Variants in GRIA1 observed in about 807,000 individuals in gnomAD.
GRIA1 encodes the protein glutamate receptor 1.
Under a neutral mutation model 99.2 loss-of-function variants are expected in GRIA1, and 31 were observed. That is an observed-to-expected ratio of 0.31 (90% CI 0.23 to 0.42). The LOEUF (loss-of-function observed/expected upper bound fraction) is 0.42, where lower values mean the gene tolerates loss of function less well. Ranked by LOEUF, GRIA1 falls within the 10% of genes least tolerant of loss-of-function variation. GRIA1 has a pLI of 1.00. For missense variants in GRIA1, 782 were observed against 1,157.5 expected (o/e 0.68, Z 4.71); for synonymous variants, 438 against 432.4 (o/e 1.01, Z -0.16).
intron 2 of GRIA1, among the ~76,000 whole-genome samples, chr5:153,587,321 A>G (rs1763579213): frequency 6.6e-6 from 1 of 152,158 alleles, no homozygotes; most frequent in Non-Finnish European, 1.5e-5. Flanking sequence ...ACTACCCACC[A>G]TGATTATAAG....
chr5:153,785,337 G>GTGC, intron 13 of GRIA1, among the ~76,000 whole-genome samples: 1 of 152,154 alleles, frequency 6.6e-6, no homozygotes, highest in Non-Finnish European at 1.5e-5. Flanking sequence ...CCTCTTAAGG[G>GTGC]TAGATGGAGA....
intron 2 of GRIA1, among the ~76,000 whole-genome samples, chr5:153,646,351 C>T (rs549010868): frequency 7.4e-4 from 112 of 152,178 alleles, no homozygotes; most frequent in Non-Finnish European, 1.4e-3. Flanking sequence ...GCAGCAATAG[C>T]TGGATTCTTC....
intron 11 of GRIA1, among the ~76,000 whole-genome samples, chr5:153,729,143 C>A (rs1760814048): frequency 6.7e-6 from 1 of 149,474 alleles, no homozygotes; most frequent in Admixed American, 6.7e-5. Flanking sequence ...AACAAAAAAC[C>A]AAACACCGCA....
At chr5:153,571,593 G>T (rs1409672777) in intron 2 of GRIA1, among the ~76,000 whole-genome samples, 1 of 152,036 alleles carries the variant, frequency 6.6e-6, no homozygotes, top group African/African-American at 2.4e-5. Context: ...CAGGTGGTGG[G>T]CTAGACTTGG....
At chr5:153,720,194 G>A (rs1300339097) in intron 11 of GRIA1, among the ~76,000 whole-genome samples, 4 of 152,108 alleles carry the variant, frequency 2.6e-5, no homozygotes, top group Admixed American at 1.3e-4. Flanking sequence ...AGTTAGCATC[G>A]AGCATTTTAT....
intron 2 of GRIA1, among the ~76,000 whole-genome samples, chr5:153,563,900 G>A (rs1581236243): frequency 6.6e-6 from 1 of 152,324 alleles, no homozygotes; most frequent in Non-Finnish European, 1.5e-5. Flanking sequence ...TTGAGGACAT[G>A]AAATGTTAAA....
At chr5:153,619,217 C>T (rs1766797493) in intron 2 of GRIA1, among the ~76,000 whole-genome samples, 1 of 152,080 alleles carries the variant, frequency 6.6e-6, no homozygotes, top group South Asian at 2.1e-4. Flanking sequence ...TTCAAAGATT[C>T]CACAATGATG....
chr5:153,600,219 G>C (rs374662913), intron 2 of GRIA1, among the ~76,000 whole-genome samples: 101 of 151,840 alleles, frequency 6.7e-4, no homozygotes, highest in African/African-American at 2.4e-3. Flanking sequence ...GTGAAACACT[G>C]TCTCTACTAA....
intron 2 of GRIA1, among the ~76,000 whole-genome samples, chr5:153,605,429 G>A (rs55803712): frequency 1.8e-3 from 279 of 152,252 alleles, no homozygotes; most frequent in Middle Eastern, 3.4e-3. Context: ...CATTTGGGCC[G>A]TTTACACTTT....
chr5:153,568,541 G>A (rs1289354022), intron 2 of GRIA1, among the ~76,000 whole-genome samples: 1 of 152,058 alleles, frequency 6.6e-6, no homozygotes, highest in East Asian at 1.9e-4. Context: ...TAATGATGGT[G>A]TCATCATTAA....
At position 153,541,176 on chromosome 5, in the gene GRIA1, G is replaced by A. The variant is rs570291732; in HGVS notation, c.220+47111G>A. On this transcript the variant is annotated intron_variant, in intron 2 of 15. Transcript: ENST00000285900. Reference sequence around the variant, plus strand: ...AAGCAAATTCTTCCTCCATTCTTTCGTACCCAGCTCAAACATTACCTCCTT... The same window carrying A: ...AAGCAAATTCTTCCTCCATTCTTTCATACCCAGCTCAAACATTACCTCCTT... Among the ~76,000 whole-genome samples, 6 of 152,100 alleles carry A rather than the reference G, an allele frequency of 3.9e-5. No homozygotes were observed. In the East Asian group the frequency reaches 5.8e-4, roughly 15 times the overall value.
chr5:153,588,535 C>T (rs988012398), intron 2 of GRIA1, among the ~76,000 whole-genome samples: 2 of 152,196 alleles, frequency 1.3e-5, no homozygotes, highest in African/African-American at 4.8e-5. Flanking sequence ...ACAGAAGGAG[C>T]TTTGGAGTCA....
intron 7 of GRIA1, among the ~76,000 whole-genome samples, chr5:153,680,993 T>C (rs559094064): frequency 3.3e-5 from 5 of 152,338 alleles, no homozygotes; most frequent in South Asian, 4.1e-4. Context: ...TGCATTGTTA[T>C]AAAGAAATAC....
intron 5 of GRIA1, among the ~76,000 whole-genome samples, chr5:153,669,652 T>C (rs2149480109): frequency 6.6e-6 from 1 of 152,356 alleles, no homozygotes; most frequent in Non-Finnish European, 1.5e-5. Flanking sequence ...ATAAAACAGA[T>C]ATTACAGAAG....
At chr5:153,669,326 C>A (rs1755978072) in intron 5 of GRIA1, among the ~76,000 whole-genome samples, 1 of 152,146 alleles carries the variant, frequency 6.6e-6, no homozygotes, top group Non-Finnish European at 1.5e-5. Context: ...TTATATAATG[C>A]ATACAAAGGG....
chr5:153,747,061 G>A (rs879181262), intron 11 of GRIA1, among the ~76,000 whole-genome samples: 1 of 152,180 alleles, frequency 6.6e-6, no homozygotes, highest in Admixed American at 6.5e-5. Flanking sequence ...AAAAGGGGAT[G>A]TGTTAGTTTG....
intron 9 of GRIA1, 37 bp from the exon 10 acceptor site, chr5:153,698,823 GAACCCAT>G: frequency 7.7e-7 from 1 of 1,290,384 alleles, no homozygotes; most frequent in Non-Finnish European, 1.1e-6. Context: ...ACCCATGGGT[GAACCCAT>G]AACCCACATT....
At chr5:153,533,735 G>A (rs983451364) in intron 2 of GRIA1, among the ~76,000 whole-genome samples, 2 of 152,168 alleles carry the variant, frequency 1.3e-5, no homozygotes, top group Admixed American at 1.3e-4. Flanking sequence ...AGGGTGTGGG[G>A]GAGAAGGCAA....
At chr5:153,551,129 GA>G (rs1760099364) in intron 2 of GRIA1, among the ~76,000 whole-genome samples, 1 of 152,006 alleles carries the variant, frequency 6.6e-6, no homozygotes, top group Admixed American at 6.6e-5. Flanking sequence ...TATGTGTCTA[GA>G]CCCTTAATAG....
Sources: allele counts gnomAD v4.1 joint callset (sites outside exome capture counted in the v4.1 genomes callset), GRCh38; gene constraint gnomAD v4.1.1; transcripts MANE v1.5; gene names NCBI Gene and HGNC (gene_info 2026-07-23, HGNC 2026-07-21).